Variants in TBC1D4 observed in about 807,000 individuals in gnomAD.
TBC1D4 encodes TBC (Tre-2, BUB2, CDC16) domain-containing protein.
Under a neutral mutation model 142.5 loss-of-function variants are expected in TBC1D4, and 121 were observed. The observed-to-expected ratio is 0.85, with a 90% CI of 0.73 to 0.99. The LOEUF is 0.99. TBC1D4 is among the 50% of genes least tolerant of loss of function. The probability of loss-of-function intolerance (pLI) is 0.00; values close to 1 mark genes in which losing one functional copy is unlikely to be tolerated. For missense variants in TBC1D4, 1,475 were observed against 1,606.6 expected, an observed-to-expected ratio of 0.92 and a Z score of 1.40; for synonymous variants, 630 against 628.2, an observed-to-expected ratio of 1.00 and a Z score of -0.04.
chr13:75,362,410 G>A lies in TBC1D4; in HGVS notation c.696C>T (p.His232=), dbSNP rs376257791. 2 of 1,614,102 alleles carry A rather than the reference G, an allele frequency of 1.2e-6. No homozygotes were observed. The highest frequency in any genetic ancestry group is 1.7e-5 in the Admixed American group (1 of 60,014). ...IDDCMEKFSL[H]EQQRLKIQGE... is the part of the protein sequence containing the mutation. ...CTTGGATCTTCAGGCGCTGCTGTTC[G>A]TGCAGGCTGAACTTCTCCATGCAGT... The change falls in exon 2 of 21, where the codon CAC becomes CAT. Residue 232 remains histidine, a synonymous_variant. Coordinates refer to ENST00000377636, the MANE Select transcript of TBC1D4 (RefSeq NM_014832.5). The surrounding 1 kb of genome is among the most constrained non-coding windows in gnomAD (Gnocchi z 4.2).
chr13:75,448,549 C>G (rs1436521435), intron 1 of TBC1D4, among the ~76,000 whole-genome samples: 1 of 138,708 alleles, frequency 7.2e-6, no homozygotes, highest in Non-Finnish European at 1.5e-5. Flanking sequence ...GCCTGGGTAA[C>G]AAGAGCGAAA....
intron 15 of TBC1D4, among the ~76,000 whole-genome samples, chr13:75,303,656 C>G (rs553828968): frequency 1.3e-5 from 2 of 152,338 alleles, no homozygotes; most frequent in African/African-American, 4.8e-5. Context: ...TGACAGTAAT[C>G]TCTTCTGACT....
chr13:75,471,736 C>CAA (rs67975515), intron 1 of TBC1D4, among the ~76,000 whole-genome samples: 3 of 137,444 alleles, frequency 2.2e-5, no homozygotes, highest in African/African-American at 5.4e-5. Context: ...GAGACTGTCT[C>CAA]AAAAAAAAAA....
intron 1 of TBC1D4, among the ~76,000 whole-genome samples, chr13:75,371,298 T>C (rs1346308332): frequency 1.3e-5 from 2 of 152,040 alleles, no homozygotes; most frequent in East Asian, 1.9e-4. Flanking sequence ...GAATACATAA[T>C]GGTGAAGGGG....
intron 11 of TBC1D4, among the ~76,000 whole-genome samples, chr13:75,322,463 G>C (rs1432298198): frequency 6.6e-6 from 1 of 152,116 alleles, no homozygotes; most frequent in Non-Finnish European, 1.5e-5. Context: ...AGAGGGCTTT[G>C]GGAAGCTATT....
At position 75,333,839 on chromosome 13, in the gene TBC1D4, A is replaced by G. The variant is rs74442711; in HGVS notation, c.1731+3082T>C. ...GGAGTTATTCCTCAACCTGTTCTTG[A>G]CTTTCTTGAAGATAACAGGCTTGTT... On this transcript the variant is annotated intron_variant, in intron 8 of 20. Coordinates refer to ENST00000377636, the MANE Select transcript of TBC1D4 (RefSeq NM_014832.5). 5.4e-3 allele frequency among the ~76,000 whole-genome samples: 823 copies of G among 152,122 alleles called. 6 individuals carry two copies. Among genetic ancestry groups the G allele is most frequent in the African/African-American group, 0.019 (782 of 41,506 alleles).
intron 1 of TBC1D4, among the ~76,000 whole-genome samples, chr13:75,386,013 A>C (rs1161336920): frequency 1.3e-5 from 2 of 152,186 alleles, no homozygotes; most frequent in Non-Finnish European, 2.9e-5. Flanking sequence ...GAACCTGAAC[A>C]ATTTATAATA....
intron 1 of TBC1D4, among the ~76,000 whole-genome samples, chr13:75,403,499 C>T (rs957412982): frequency 3.3e-5 from 5 of 152,096 alleles, no homozygotes; most frequent in Admixed American, 2.6e-4. Context: ...AAAAAATAAA[C>T]GCAGGAAGTA....
chr13:75,377,169 GGC>G (rs1412265446), intron 1 of TBC1D4: 3 of 152,186 alleles, frequency 2.0e-5, no homozygotes, highest in Admixed American at 6.5e-5. Flanking sequence ...AAAAACTGTT[GGC>G]GCAGCACAGT....
intron 1 of TBC1D4, among the ~76,000 whole-genome samples, chr13:75,390,854 AGGGGAGGGG>A (rs1300164173): frequency 0.021 from 2 of 94 alleles, no homozygotes; most frequent in East Asian, 0.25. Flanking sequence ...AAGGGAGGGG[AGGGGAGGGG>A]AGGGGAGGGG....
intron 11 of TBC1D4, among the ~76,000 whole-genome samples, chr13:75,321,142 G>A (rs1043798099): frequency 1.3e-5 from 2 of 151,776 alleles, no homozygotes; most frequent in Non-Finnish European, 1.5e-5. Context: ...CAACTAATAA[G>A]ATATTAAGTA....
intron 1 of TBC1D4, among the ~76,000 whole-genome samples, chr13:75,462,708 T>C (rs1888021742): frequency 6.6e-6 from 1 of 152,110 alleles, no homozygotes; most frequent in Admixed American, 6.6e-5. Flanking sequence ...ATAAATAAAG[T>C]CTTAATTACA....
chr13:75,399,937 T>C (rs1205257217), intron 1 of TBC1D4, among the ~76,000 whole-genome samples: 1 of 152,038 alleles, frequency 6.6e-6, no homozygotes, highest in East Asian at 1.9e-4. Context: ...ATGCTAGCGT[T>C]GGGGAGAGAC....
chr13:75,447,051 T>C (rs184129416), intron 1 of TBC1D4, among the ~76,000 whole-genome samples: 27 of 152,232 alleles, frequency 1.8e-4, no homozygotes, highest in African/African-American at 6.3e-4. Flanking sequence ...AAAGTGTAGG[T>C]GTTACAAAAT....
At chr13:75,460,216 T>C (rs1887909375) in intron 1 of TBC1D4, among the ~76,000 whole-genome samples, 1 of 152,132 alleles carries the variant, frequency 6.6e-6, no homozygotes, top group Non-Finnish European at 1.5e-5. Flanking sequence ...GATACAAAAA[T>C]GGCCCTATCT....
intron 12 of TBC1D4, among the ~76,000 whole-genome samples, chr13:75,313,756 A>G (rs9543899): frequency 0.76 from 115,067 of 152,048 alleles, 45,820 homozygotes; most frequent in South Asian, 0.93. Flanking sequence ...AAACTCCTGC[A>G]CTCAAGCAAT....
chr13:75,454,191 G>A (rs1887640771), intron 1 of TBC1D4, among the ~76,000 whole-genome samples: 1 of 151,942 alleles, frequency 6.6e-6, no homozygotes, highest in Non-Finnish European at 1.5e-5. Flanking sequence ...AAGAGTTCAA[G>A]ACCAGCCTGG....
intron 19 of TBC1D4, among the ~76,000 whole-genome samples, chr13:75,289,566 A>G (rs1211305326): frequency 6.6e-6 from 1 of 152,154 alleles, no homozygotes; most frequent in Non-Finnish European, 1.5e-5. Flanking sequence ...GTATTACTGT[A>G]ATAAAGCAAC....
At chr13:75,459,154 G>A (rs945940648) in intron 1 of TBC1D4, among the ~76,000 whole-genome samples, 4 of 152,142 alleles carry the variant, frequency 2.6e-5, no homozygotes, top group African/African-American at 9.7e-5. Context: ...GCAGGAAGGA[G>A]AGCATGTTTT....
Sources: gnomAD v4.1 joint callset for allele counts (sites outside exome capture counted in the v4.1 genomes callset) on GRCh38, gnomAD v4.1.1 for gene constraint, Gnocchi (gnomAD v3.1) non-coding constraint, MANE v1.5 for transcripts, NCBI Gene and HGNC (gene_info 2026-07-23, HGNC 2026-07-21) for gene names.